Variants in FBN2 observed in about 807,000 individuals in gnomAD.
FBN2 encodes fibrillin-2.
A neutral mutation model predicts 355.6 loss-of-function variants in FBN2; 105 were observed. That is an observed-to-expected ratio of 0.30 (90% CI 0.25 to 0.35). The LOEUF (loss-of-function observed/expected upper bound fraction) is 0.35. Ranked by LOEUF, FBN2 falls within the 10% of genes least tolerant of loss-of-function variation. The pLI is 1.00. For synonymous variants in FBN2, 1,350 were observed against 1,301.2 expected (o/e 1.04, Z -0.81); for missense variants, 3,280 against 3,758.7 (o/e 0.87, Z 3.33).
At chr5:128,304,896 C>T in intron 45 of FBN2, 61 bp downstream of exon 45, 2 of 1,607,852 alleles carry the variant, frequency 1.2e-6, no homozygotes, top group South Asian at 2.2e-5. Context: ...CTTGATGGAA[C>T]TGTGATCTGT....
chr5:128,430,614 C>A (rs768353774), intron 7 of FBN2, among the ~76,000 whole-genome samples: 1 of 152,012 alleles, frequency 6.6e-6, no homozygotes, highest in Admixed American at 6.5e-5. Context: ...GAGGCTGAGG[C>A]GAGTGGATCA....
intron 39 of FBN2, 68 bp from the exon 40 acceptor site, chr5:128,310,176 G>T: frequency 7.4e-7 from 1 of 1,352,360 alleles, no homozygotes; most frequent in South Asian, 1.2e-5. Context: ...TTACTTAGAT[G>T]ACTGAACAAA....
At chr5:128,399,649 G>A (rs1421486882) in intron 8 of FBN2, among the ~76,000 whole-genome samples, 1 of 151,956 alleles carries the variant, frequency 6.6e-6, no homozygotes, top group Non-Finnish European at 1.5e-5. Flanking sequence ...GTCACACATA[G>A]GAATGGCAAT....
At chr5:128,290,962 C>G in intron 49 of FBN2, 78 bp from the exon 50 acceptor site, 1 of 1,388,012 alleles carries the variant, frequency 7.2e-7, no homozygotes, top group East Asian at 2.3e-5. Context: ...TTGTAGAACA[C>G]GGGATGCAGA....
At chr5:128,279,398 A>C (rs1011985450) in intron 56 of FBN2, among the ~76,000 whole-genome samples, 6 of 152,158 alleles carry the variant, frequency 3.9e-5, no homozygotes, top group Non-Finnish European at 1.5e-5. Flanking sequence ...ACTGTTAATA[A>C]AATGAACAGA....
intron 56 of FBN2, 87 bp downstream of exon 56, chr5:128,280,105 A>G: frequency 2.7e-6 from 3 of 1,100,724 alleles, no homozygotes; most frequent in Non-Finnish European, 4.1e-6. Context: ...TTTAGCAGAC[A>G]AGAATATATA....
intron 55 of FBN2, among the ~76,000 whole-genome samples, chr5:128,281,761 T>C (rs1261911409): frequency 3.3e-5 from 5 of 152,124 alleles, no homozygotes; most frequent in East Asian, 3.9e-4. Flanking sequence ...TCTTGGCTCA[T>C]TGCAAGCTCT....
chr5:128,515,444 CA>C (rs1158288771), intron 5 of FBN2, among the ~76,000 whole-genome samples: 2 of 152,018 alleles, frequency 1.3e-5, no homozygotes, highest in Non-Finnish European at 2.9e-5. Flanking sequence ...AGAGTTCCAG[CA>C]AGCAGGACTC....
intron 19 of FBN2, among the ~76,000 whole-genome samples, chr5:128,360,605 CTG>C (rs936102996): frequency 2.0e-5 from 3 of 151,300 alleles, no homozygotes; most frequent in African/African-American, 7.3e-5. Flanking sequence ...AGTGGCCCCT[CTG>C]ATTCAATTCA....
chr5:128,319,271 T>C lies in FBN2; in HGVS notation c.4472-270A>G, dbSNP rs79657892. On this transcript the variant is annotated intron_variant, in intron 34 of 64. Coordinates refer to ENST00000262464, the MANE Select transcript of FBN2 (RefSeq NM_001999.4). ...GGATTATGATATACTTAAAGAAGAG[T>C]TGGCTCAAGGCACACAAAATACAAA... 6.7e-3 allele frequency among the ~76,000 whole-genome samples: 1,020 copies of C among 152,066 alleles called. 10 individuals carry two copies. Among genetic ancestry groups the C allele is most frequent in the African/African-American group, 0.023 (952 of 41,494 alleles).
Position 128,289,166 on chromosome 5 carries a change from T to C in FBN2, c.6598A>G (p.Met2200Val), listed in dbSNP as rs766808076. 2.7e-5 allele frequency: 43 copies of C among 1,613,988 alleles called. No homozygotes were observed. Among genetic ancestry groups the C allele is most frequent in the Admixed American group, 6.7e-5 (4 of 60,012 alleles). The stretch of plus-strand genomic sequence containing the variant: ...CCAGTGTAGTCAAGGTTGTAGCCCA[T>C]TGGACATTCACAGCGAAAAGATCCG... Reference protein sequence around the residue: ...TDGSFRCECPMGYNLDYTGVR... With the variant: ...TDGSFRCECPVGYNLDYTGVR... Residue 2200 changes from methionine to valine, a missense_variant, in exon 52 of 65, where the codon ATG becomes GTG. By Grantham distance (21) the Met-to-Val change is conservative (BLOSUM62 1). Around this residue, in one of 6 missense-constraint regions of FBN2, gnomAD observed 2,284 missense variants for 2,749.5 expected, o/e 0.83. Coordinates refer to ENST00000262464, the MANE Select transcript of FBN2 (RefSeq NM_001999.4).
intron 62 of FBN2, among the ~76,000 whole-genome samples, chr5:128,269,162 T>C (rs6876760): frequency 0.26 from 39,262 of 151,530 alleles, 8,973 homozygotes; most frequent in African/African-American, 0.62. Flanking sequence ...TGCCTGTAAT[T>C]CTAGCACTTT....
At chr5:128,536,622 G>T in intron 1 of FBN2, 138 bp from the exon 2 acceptor site, 1 of 721,696 alleles carries the variant, frequency 1.4e-6, no homozygotes, top group Non-Finnish European at 2.5e-6. Context: ...AATTATTGGA[G>T]ATCGGGAGGC....
chr5:128,277,127 A>G (rs1348935945), intron 58 of FBN2, among the ~76,000 whole-genome samples: 1 of 152,188 alleles, frequency 6.6e-6, no homozygotes, highest in African/African-American at 2.4e-5. Context: ...TTTAATGCCA[A>G]GTGTGCTTGT....
chr5:128,294,128 A>G, intron 48 of FBN2, among the ~76,000 whole-genome samples: 1 of 151,964 alleles, frequency 6.6e-6, no homozygotes, highest in Non-Finnish European at 1.5e-5. Flanking sequence ...GAGAATGATG[A>G]TTTCCAATTT....
intron 64 of FBN2, among the ~76,000 whole-genome samples, chr5:128,261,056 T>A (rs1764952346): frequency 6.6e-6 from 1 of 152,180 alleles, no homozygotes; most frequent in African/African-American, 2.4e-5. Flanking sequence ...CCTTCAGAGG[T>A]ATTATTATTC....
intron 7 of FBN2, among the ~76,000 whole-genome samples, chr5:128,431,038 T>C (rs138150527): frequency 6.6e-6 from 1 of 152,204 alleles, no homozygotes; most frequent in Non-Finnish European, 1.5e-5. Flanking sequence ...TTTCATGTCT[T>C]CTAATTTCAG....
rs186553978 is a variant in FBN2, at chr5:128,485,459, A to C, written c.629-20538T>G. On this transcript the variant is annotated intron_variant, in intron 5 of 64. Coordinates refer to ENST00000262464, the MANE Select transcript of FBN2 (RefSeq NM_001999.4). ...ATTTATGCAATAGAATCAATTATGC[A>C]ATAGAATTTTGACAGTAGTTAAAAA... 2.0e-5 allele frequency among the ~76,000 whole-genome samples: 3 copies of C among 152,330 alleles called. No individual in the cohort carries two copies. The East Asian group carries it at 5.8e-4, about 29-fold the overall frequency.
chr5:128,517,849 AAAG>A (rs1373310691), intron 5 of FBN2, among the ~76,000 whole-genome samples: 1 of 152,206 alleles, frequency 6.6e-6, no homozygotes, highest in Non-Finnish European at 1.5e-5. Context: ...GTTTCACAAT[AAAG>A]AAAGTGCTGT....
Sources: gnomAD v4.1 joint callset for allele counts (sites outside exome capture counted in the v4.1 genomes callset) on GRCh38, gnomAD v4.1.1 for gene constraint, gnomAD v4.1.1 regional missense constraint, MANE v1.5 for transcripts, NCBI Gene and HGNC (gene_info 2026-07-23, HGNC 2026-07-21) for gene names.